PSMC1: variants seen among roughly 807,000 people sequenced by gnomAD.
PSMC1 encodes 26S proteasome regulatory subunit 4.
In PSMC1, 5 loss-of-function variants were observed where a neutral mutation model predicts 49.8. That is an observed-to-expected ratio of 0.10 (90% CI 0.05 to 0.21). The LOEUF is 0.21. Among genes scored for constraint, PSMC1 ranks in the 10% least tolerant of loss-of-function variants. The pLI is 1.00. For missense variants in PSMC1, 181 were observed against 535.7 expected, an observed-to-expected ratio of 0.34 and a Z score of 6.54; for synonymous variants, 155 against 192.1, an observed-to-expected ratio of 0.81 and a Z score of 1.60.
chr14:90,270,029 A>G, intron 9 of PSMC1, 169 bp from the exon 10 acceptor site: 1 of 659,732 alleles, frequency 1.5e-6, no homozygotes, highest in Non-Finnish European at 2.5e-6. Flanking sequence ...AAATGTAGAA[A>G]TCTACAAACT....
intron 1 of PSMC1, among the ~76,000 whole-genome samples, chr14:90,257,153 A>G (rs1891310537): frequency 6.6e-6 from 1 of 152,154 alleles, no homozygotes; most frequent in African/African-American, 2.4e-5. Flanking sequence ...AATAATAAAA[A>G]CAGCTAGCAT....
chr14:90,263,920 C>G, intron 5 of PSMC1, 73 bp downstream of exon 5: 1 of 1,594,710 alleles, frequency 6.3e-7, no homozygotes, highest in Non-Finnish European at 8.6e-7. Context: ...CTTCCTGTCC[C>G]GTGGAAGTAG....
intron 10 of PSMC1, chr14:90,271,574 C>T (rs1294573535): frequency 2.0e-5 from 3 of 152,102 alleles, no homozygotes; most frequent in African/African-American, 7.2e-5. Flanking sequence ...TCTTTTATGA[C>T]TATAAGTAAA....
intron 7 of PSMC1, among the ~76,000 whole-genome samples, 177 bp downstream of exon 7, chr14:90,265,343 G>GAAAAAAAAAA (rs34260220): frequency 7.9e-6 from 1 of 126,842 alleles, no homozygotes; most frequent in Non-Finnish European, 1.7e-5. Context: ...AATACTGATG[G>GAAAAAAAAAA]AAAAAAAAAA....
At chr14:90,268,540 C>A in intron 8 of PSMC1, 127 bp downstream of exon 8, 1 of 880,208 alleles carries the variant, frequency 1.1e-6, no homozygotes, top group Non-Finnish European at 1.8e-6. Flanking sequence ...GCCTTCCATG[C>A]ATGCTTTAGG....
chr14:90,262,762 C>T (rs1213175332), intron 3 of PSMC1, among the ~76,000 whole-genome samples: 16 of 150,168 alleles, frequency 1.1e-4, no homozygotes, highest in East Asian at 5.8e-4. Context: ...CCAGCCTGGG[C>T]GACAGAGCAA....
chr14:90,271,444 T>G (rs144293259), intron 10 of PSMC1: 1 of 152,236 alleles, frequency 6.6e-6, no homozygotes, highest in African/African-American at 2.4e-5. Flanking sequence ...GTTATTGTTT[T>G]CTTTTACTTT....
At position 90,273,924 on chromosome 14, in the gene PSMC1, A is replaced by C. The variant is rs1252407217; in HGVS notation, c.*1517A>C. ...TTTTCTATTCTTATGGATCCTTGTGATTGCATTGGACCCATGCAGATGATC... is the reference window on the plus strand; with the variant it reads ...TTTTCTATTCTTATGGATCCTTGTGCTTGCATTGGACCCATGCAGATGATC... On this transcript the variant is annotated 3_prime_UTR_variant, in exon 11 of 11. Transcript: ENST00000261303. 6.5e-6 allele frequency: 1 copy of C among 154,758 alleles called. No individual in the cohort carries two copies. The highest frequency in any genetic ancestry group is 2.4e-5 in the African/African-American group (1 of 41,500). 9.6% of individuals were successfully genotyped at this position (154,758 alleles called of 1,614,324 possible).
At chr14:90,259,720 C>G (rs1468457245) in intron 2 of PSMC1, among the ~76,000 whole-genome samples, 1 of 152,166 alleles carries the variant, frequency 6.6e-6, no homozygotes, top group East Asian at 1.9e-4. Context: ...CTCCTGGGTT[C>G]AAGCAATTCT....
At chr14:90,261,219 C>A (rs1001465760) in intron 3 of PSMC1, among the ~76,000 whole-genome samples, 1 of 152,130 alleles carries the variant, frequency 6.6e-6, no homozygotes, top group African/African-American at 2.4e-5. Flanking sequence ...TAAAATGTTC[C>A]CCCAGTTCTT....
chr14:90,263,829 G>A lies in PSMC1; in HGVS notation c.447G>A (p.Ser149=), dbSNP rs747895509. ...VDKDLLEPGC[S]VLLNHKVHAV... ...AGGATCTGCTGGAACCTGGCTGCTC[G>A]GTCCTGCTCAACCACAAGGTGAGGT... Residue 149 remains serine, a synonymous_variant, in exon 5 of 11, where the codon TCG becomes TCA. Coordinates refer to ENST00000261303, the MANE Select transcript of PSMC1 (RefSeq NM_002802.3). The A allele has an allele frequency of 3.0e-5, 49 of 1,614,012 alleles. No homozygotes were observed. Among genetic ancestry groups the A allele is most frequent in the Middle Eastern group, 1.6e-4 (1 of 6,082 alleles).
rs2139654063 is a variant in PSMC1, at chr14:90,272,203, G to GT, written c.1189-64dup. On this transcript the variant is annotated intron_variant, in intron 10 of 10. Coordinates refer to ENST00000261303, the MANE Select transcript of PSMC1 (RefSeq NM_002802.3). This position sits in a 1 kb window ranked among gnomAD's most constrained non-coding sequence, Gnocchi z 4.5. ...GCCACCGCGCCTGGCCTCAGAATAG[G>GT]TTTTTTGGAATTCCTTGTTAGAATA... 1.3e-6 allele frequency: 2 copies of GT among 1,572,506 alleles called. No individual in the cohort carries two copies. Among genetic ancestry groups the GT allele is most frequent in the Non-Finnish European group, 1.7e-6 (2 of 1,161,332 alleles).
intron 1 of PSMC1, among the ~76,000 whole-genome samples, chr14:90,257,252 A>G (rs1891312664): frequency 6.6e-6 from 1 of 152,198 alleles, no homozygotes; most frequent in Non-Finnish European, 1.5e-5. Flanking sequence ...TGTTGTAGAC[A>G]CTGAGGATTG....
At chr14:90,261,381 C>A (rs1891394767) in intron 3 of PSMC1, among the ~76,000 whole-genome samples, 1 of 152,142 alleles carries the variant, frequency 6.6e-6, no homozygotes, top group Non-Finnish European at 1.5e-5. Flanking sequence ...TGAAGGAAAT[C>A]AGTAAAACCA....
intron 5 of PSMC1, 96 bp from the exon 6 acceptor site, chr14:90,263,945 C>A (rs942784361): frequency 1.3e-5 from 21 of 1,582,904 alleles, no homozygotes; most frequent in Non-Finnish European, 1.7e-5. Context: ...CCAAAGCACT[C>A]CTCAGGCAGA....
intron 8 of PSMC1, 142 bp from the exon 9 acceptor site, chr14:90,269,255 C>A: frequency 1.4e-6 from 1 of 700,364 alleles, no homozygotes; most frequent in Non-Finnish European, 2.3e-6. Context: ...TTATTTTTTC[C>A]GAGCATAATT....
chr14:90,269,563 G>A lies in PSMC1; in HGVS notation c.1033+15G>A. 6.2e-7 allele frequency: 1 copy of A among 1,611,082 alleles called. No homozygotes were observed. The highest frequency in any genetic ancestry group is 8.5e-7 in the Non-Finnish European group (1 of 1,178,406). The stretch of plus-strand genomic sequence containing the variant: ...TATCAGACCAGGTTAAATTTGCTTT[G>A]GTTTCATCATGGAGATTAATGTGTT... On this transcript the variant is annotated intron_variant, in intron 9 of 10. Coordinates refer to ENST00000261303, the MANE Select transcript of PSMC1 (RefSeq NM_002802.3).
intron 9 of PSMC1, 140 bp from the exon 10 acceptor site, chr14:90,270,058 T>C (rs764795653): frequency 1.2e-6 from 1 of 864,284 alleles, no homozygotes. Context: ...ATATGTTTAC[T>C]TTTTAAAATT....
In PSMC1 at chr14:90,261,683, A is replaced by T. The variant is rs377036022; in HGVS notation, c.154+1472A>T. Among the ~76,000 whole-genome samples, 59 of 152,296 alleles carry T rather than the reference A, an allele frequency of 3.9e-4. No homozygotes were observed. In the East Asian group the frequency reaches 0.011, roughly 29 times the overall value. ...GCTGGAGAGGATGTGGAGAAATAGGAACACTTTTACACTGTTGGTGGGACT... is the reference window on the plus strand; with the variant it reads ...GCTGGAGAGGATGTGGAGAAATAGGTACACTTTTACACTGTTGGTGGGACT... On this transcript the variant is annotated intron_variant, in intron 3 of 10. Coordinates refer to ENST00000261303, the MANE Select transcript of PSMC1 (RefSeq NM_002802.3).
Sources: gnomAD v4.1 joint callset for allele counts (sites outside exome capture counted in the v4.1 genomes callset) on GRCh38, gnomAD v4.1.1 for gene constraint, Gnocchi (gnomAD v3.1) non-coding constraint, MANE v1.5 for transcripts, NCBI Gene and HGNC (gene_info 2026-07-23, HGNC 2026-07-21) for gene names.